Variants in MTREX observed in about 807,000 individuals in gnomAD.
MTREX encodes Mtr4 exosome RNA helicase, also known as exosome RNA helicase MTR4.
A neutral mutation model predicts 135.4 loss-of-function variants in MTREX; 76 were observed. The ratio of observed to expected loss-of-function variants is 0.56; its 90% CI spans 0.47 to 0.68. The LOEUF (loss-of-function observed/expected upper bound fraction) is 0.68, where lower values mean the gene tolerates loss of function less well. Ranked by LOEUF, MTREX falls within the 30% of genes least tolerant of loss-of-function variation. MTREX has a pLI of 0.00. For synonymous variants in MTREX, 404 were observed against 401.6 expected, an observed-to-expected ratio of 1.01 and a Z score of -0.07; for missense variants, 920 against 1,262.1, an observed-to-expected ratio of 0.73 and a Z score of 4.11.
intron 15 of MTREX, among the ~76,000 whole-genome samples, chr5:55,362,057 C>T (rs973257342): frequency 6.7e-6 from 1 of 150,258 alleles, no homozygotes; most frequent in African/African-American, 2.5e-5. Context: ...GCTGGGACTA[C>T]AGGCATGCAC....
At chr5:55,400,829 A>G (rs1362221176) in intron 21 of MTREX, among the ~76,000 whole-genome samples, 1 of 152,080 alleles carries the variant, frequency 6.6e-6, no homozygotes, top group East Asian at 1.9e-4. Context: ...TGTTTCTCCC[A>G]TCCTCCAGCC....
chr5:55,406,264 G>A (rs943968365), intron 22 of MTREX, among the ~76,000 whole-genome samples: 6 of 152,112 alleles, frequency 3.9e-5, no homozygotes, highest in Non-Finnish European at 8.8e-5. Flanking sequence ...GATGGTTCTG[G>A]CTCTGTCCCC....
chr5:55,415,708 G>A (rs909244014), intron 24 of MTREX, among the ~76,000 whole-genome samples: 2 of 152,134 alleles, frequency 1.3e-5, no homozygotes, highest in Admixed American at 6.5e-5. Flanking sequence ...CTGTTTCTTT[G>A]TTGAAAAGGT....
intron 3 of MTREX, among the ~76,000 whole-genome samples, chr5:55,325,344 T>G (rs1486950871): frequency 4.0e-5 from 6 of 150,336 alleles, no homozygotes; most frequent in South Asian, 4.2e-4. Context: ...TTTTTGTTTT[T>G]TTTTTTTTTA....
chr5:55,370,568 T>A (rs1750179909), intron 16 of MTREX, among the ~76,000 whole-genome samples: 1 of 152,232 alleles, frequency 6.6e-6, no homozygotes, highest in Admixed American at 6.5e-5. Context: ...GGGCAGGCTC[T>A]GTTTTTCTAA....
intron 18 of MTREX, among the ~76,000 whole-genome samples, chr5:55,381,271 A>G (rs952021936): frequency 6.0e-5 from 9 of 150,816 alleles, no homozygotes; most frequent in Admixed American, 1.3e-4. Context: ...CATCTTTTTA[A>G]TTTTCTTTCT....
intron 18 of MTREX, among the ~76,000 whole-genome samples, chr5:55,380,385 AAAAG>A (rs1476909695): frequency 6.6e-6 from 1 of 152,206 alleles, no homozygotes; most frequent in African/African-American, 2.4e-5. Context: ...CATCATCTCA[AAAAG>A]AAACATATGT....
intron 13 of MTREX, among the ~76,000 whole-genome samples, chr5:55,352,310 A>C (rs1315137257): frequency 1.3e-5 from 2 of 152,232 alleles, no homozygotes; most frequent in Non-Finnish European, 2.9e-5. Flanking sequence ...AGTCACTTAG[A>C]TAATGAATTT....
intron 16 of MTREX, among the ~76,000 whole-genome samples, chr5:55,368,419 C>T (rs144152684): frequency 0.033 from 5,060 of 152,212 alleles, 113 homozygotes; most frequent in Non-Finnish European, 0.049. Context: ...CACTGCACTT[C>T]AGCCTGGGTG....
chr5:55,380,651 C>T (rs1026095190), intron 18 of MTREX, among the ~76,000 whole-genome samples: 1 of 151,908 alleles, frequency 6.6e-6, no homozygotes, highest in African/African-American at 2.4e-5. Flanking sequence ...ATATTATTTT[C>T]TTTATGTATC....
intron 25 of MTREX, 108 bp downstream of exon 25, chr5:55,416,240 A>C (rs1750963900): frequency 4.5e-6 from 3 of 673,692 alleles, no homozygotes; most frequent in Non-Finnish European, 7.1e-6. Flanking sequence ...TTGGTAACTA[A>C]ATGAAATCTT....
chr5:55,407,045 A>C (rs230780), intron 22 of MTREX, among the ~76,000 whole-genome samples: 130,857 of 152,204 alleles, frequency 0.86, 56,646 homozygotes, highest in South Asian at 0.92. Flanking sequence ...TGATGATCAT[A>C]ATTCTCAGTG....
At chr5:55,393,449 C>T (rs1308771434) in intron 19 of MTREX, among the ~76,000 whole-genome samples, 1 of 152,018 alleles carries the variant, frequency 6.6e-6, no homozygotes, top group Admixed American at 6.6e-5. Flanking sequence ...TCAGTTGGTT[C>T]AAAAAACAAC....
intron 20 of MTREX, among the ~76,000 whole-genome samples, chr5:55,397,960 C>A (rs1459579925): frequency 6.6e-6 from 1 of 152,078 alleles, no homozygotes; most frequent in Admixed American, 6.6e-5. Flanking sequence ...GTGGTTCATG[C>A]CTGTAATCCC....
intron 12 of MTREX, among the ~76,000 whole-genome samples, chr5:55,349,937 A>T (rs1749800398): frequency 6.6e-6 from 1 of 152,218 alleles, no homozygotes; most frequent in Non-Finnish European, 1.5e-5. Flanking sequence ...TTAAGTCATT[A>T]ACTTTTTTAA....
At chr5:55,328,045 A>C (rs1749411781) in intron 4 of MTREX, among the ~76,000 whole-genome samples, 1 of 152,180 alleles carries the variant, frequency 6.6e-6, no homozygotes, top group South Asian at 2.1e-4. Flanking sequence ...CTTTCTCCAG[A>C]AAAAAATACA....
chr5:55,419,679 G>A (rs1751023525), intron 25 of MTREX, among the ~76,000 whole-genome samples: 1 of 152,114 alleles, frequency 6.6e-6, no homozygotes, highest in Admixed American at 6.5e-5. Flanking sequence ...AACTATGAAG[G>A]ATGACAAAGG....
chr5:55,318,080 A>C (rs1213153239), intron 1 of MTREX, among the ~76,000 whole-genome samples: 1 of 152,344 alleles, frequency 6.6e-6, no homozygotes. Context: ...ATACCATCTA[A>C]CACCAGTCAG....
chr5:55,314,975 T>C (rs1749175767), intron 1 of MTREX, among the ~76,000 whole-genome samples: 1 of 152,214 alleles, frequency 6.6e-6, no homozygotes, highest in Non-Finnish European at 1.5e-5. Context: ...CACTCGCTGC[T>C]CACTTCCTGC....
Sources: allele counts gnomAD v4.1 joint callset (sites outside exome capture counted in the v4.1 genomes callset), GRCh38; gene constraint gnomAD v4.1.1; transcripts MANE v1.5; gene names NCBI Gene and HGNC (gene_info 2026-07-23, HGNC 2026-07-21).